Variants in SCAPER observed in about 807,000 individuals in gnomAD.
The protein encoded by SCAPER is S-phase cyclin A associated protein in the ER.
In SCAPER, 98 loss-of-function variants were observed where a neutral mutation model predicts 182.2. The ratio of observed to expected loss-of-function variants is 0.54; its 90% CI spans 0.46 to 0.64. The LOEUF (loss-of-function observed/expected upper bound fraction) is 0.64, where lower values mean the gene tolerates loss of function less well. Ranked by LOEUF, SCAPER falls within the 30% of genes least tolerant of loss-of-function variation. SCAPER has a pLI of 0.00. For missense variants in SCAPER, 1,432 were observed against 1,690.0 expected (o/e 0.85, Z 2.68); for synonymous variants, 605 against 564.6 (o/e 1.07, Z -1.01).
At chr15:76,511,841 A>ATGTGTGTGTGTGTGTGTGTGTGTG (rs755966745) in intron 23 of SCAPER, among the ~76,000 whole-genome samples, 1 of 104,832 alleles carries the variant, frequency 9.5e-6, no homozygotes, top group African/African-American at 3.6e-5. Flanking sequence ...ATATATATAT[A>ATGTGTGTGTGTGTGTGTGTGTGTG]TATGTGTGTG....
chr15:76,670,660 T>C (rs1055917138), intron 20 of SCAPER, among the ~76,000 whole-genome samples: 1 of 152,220 alleles, frequency 6.6e-6, no homozygotes, highest in Non-Finnish European at 1.5e-5. Flanking sequence ...TGCCAGTATG[T>C]GGTGTTCCTG....
intron 23 of SCAPER, among the ~76,000 whole-genome samples, chr15:76,567,820 T>C (rs1249862355): frequency 6.6e-6 from 1 of 152,100 alleles, no homozygotes; most frequent in African/African-American, 2.4e-5. Flanking sequence ...CTATTGCTTG[T>C]CTTGCTACCC....
chr15:76,544,116 C>A (rs1254326802), intron 23 of SCAPER, among the ~76,000 whole-genome samples: 1 of 151,954 alleles, frequency 6.6e-6, no homozygotes, highest in Non-Finnish European at 1.5e-5. Flanking sequence ...AAATGTAAAT[C>A]AAAACTATGA....
chr15:76,762,588 A>G (rs1045614504), intron 14 of SCAPER, among the ~76,000 whole-genome samples: 1 of 152,030 alleles, frequency 6.6e-6, no homozygotes, highest in African/African-American at 2.4e-5. Context: ...CATACAGTGA[A>G]TCCATTATCA....
At chr15:76,820,481 T>C (rs1598916480) in intron 5 of SCAPER, among the ~76,000 whole-genome samples, 1 of 151,378 alleles carries the variant, frequency 6.6e-6, no homozygotes, top group Non-Finnish European at 1.5e-5. Context: ...CAGCAAACTA[T>C]CGCAAGGACA....
intron 16 of SCAPER, among the ~76,000 whole-genome samples, chr15:76,730,470 T>C (rs748322429): frequency 6.6e-6 from 1 of 151,956 alleles, no homozygotes; most frequent in Non-Finnish European, 1.5e-5. Flanking sequence ...CTATTTCTCA[T>C]GACTAATCAA....
At chr15:76,861,392 T>C (rs1474633653) in intron 3 of SCAPER, among the ~76,000 whole-genome samples, 1 of 152,164 alleles carries the variant, frequency 6.6e-6, no homozygotes, top group Non-Finnish European at 1.5e-5. Flanking sequence ...AAAGGACACA[T>C]CATTTCTATA....
intron 24 of SCAPER, among the ~76,000 whole-genome samples, chr15:76,494,091 T>C (rs1044846707): frequency 5.9e-5 from 9 of 152,300 alleles, no homozygotes; most frequent in Non-Finnish European, 1.3e-4. Context: ...TAATACTCTT[T>C]TATTAGTGCT....
chr15:76,586,904 A>G (rs1421642881), intron 22 of SCAPER, among the ~76,000 whole-genome samples: 1 of 151,988 alleles, frequency 6.6e-6, no homozygotes, highest in Non-Finnish European at 1.5e-5. Context: ...AATGCCTGAT[A>G]GAATTCAGCT....
chr15:76,539,766 C>T (rs879219560), intron 23 of SCAPER, among the ~76,000 whole-genome samples: 2 of 151,970 alleles, frequency 1.3e-5, no homozygotes, highest in African/African-American at 2.4e-5. Context: ...AGGATGGTCT[C>T]GATCTCCTGA....
intron 20 of SCAPER, among the ~76,000 whole-genome samples, chr15:76,677,971 G>C (rs1175289188): frequency 6.6e-6 from 1 of 151,868 alleles, no homozygotes; most frequent in African/African-American, 2.4e-5. Context: ...ATTTCATTAA[G>C]CTGCCATTTT....
intron 4 of SCAPER, among the ~76,000 whole-genome samples, chr15:76,844,988 GTTCAACATT>G (rs1482284903): frequency 6.6e-6 from 1 of 151,950 alleles, no homozygotes; most frequent in African/African-American, 2.4e-5. Flanking sequence ...AACTGAACAT[GTTCAACATT>G]TTCAACATTA....
chr15:76,461,099 T>C (rs1480832846), intron 25 of SCAPER, among the ~76,000 whole-genome samples: 1 of 152,154 alleles, frequency 6.6e-6, no homozygotes, highest in Non-Finnish European at 1.5e-5. Context: ...TGGTTAGTTA[T>C]TTTGTAAAAT....
At chr15:76,705,588 G>T (rs2059218734) in intron 18 of SCAPER, among the ~76,000 whole-genome samples, 1 of 149,928 alleles carries the variant, frequency 6.7e-6, no homozygotes, top group Non-Finnish European at 1.5e-5. Flanking sequence ...TTTTAGGATG[G>T]TTAAAAAAAA....
At chr15:76,729,295 T>TACACATAC (rs2060777956) in intron 16 of SCAPER, among the ~76,000 whole-genome samples, 1 of 144,196 alleles carries the variant, frequency 6.9e-6, no homozygotes, top group Non-Finnish European at 1.5e-5. Flanking sequence ...TATATACACA[T>TACACATAC]ACACACACAC....
intron 28 of SCAPER, among the ~76,000 whole-genome samples, chr15:76,377,464 G>A (rs764179993): frequency 3.5e-4 from 54 of 152,162 alleles, no homozygotes; most frequent in Non-Finnish European, 6.9e-4. Context: ...ATAAGAGCAG[G>A]TCAAGGGGCA....
Position 76,771,924 on chromosome 15 carries a change from T to C in SCAPER, c.1066A>G (p.Asn356Asp). The change falls in exon 10 of 32, where the codon AAT (asparagine) becomes GAT (aspartate). Residue 356 changes from asparagine to aspartate, a missense_variant. Around this residue, in one of 5 missense-constraint regions of SCAPER, gnomAD observed 480 missense variants for 510.2 expected, o/e 0.94. Transcript: ENST00000563290. Reference protein sequence around the residue: ...FTVSTLDDVKNSGSIRDNYVR... With the variant: ...FTVSTLDDVKDSGSIRDNYVR... The stretch of plus-strand genomic sequence containing the variant: ...TAATTGTCTCGAATACTGCCAGAAT[T>C]CTTCACATCATCCAATGTACTCACT... The C allele has an allele frequency of 6.2e-7, 1 of 1,611,776 alleles. No homozygotes were observed. The highest frequency in any genetic ancestry group is 8.5e-7 in the Non-Finnish European group (1 of 1,179,228).
intron 21 of SCAPER, 38 bp from the exon 22 acceptor site, chr15:76,621,867 G>GTGTTAAATAA (rs987109021): frequency 1.4e-6 from 2 of 1,451,184 alleles, no homozygotes; most frequent in Non-Finnish European, 9.5e-7. Flanking sequence ...TTATTTCACT[G>GTGTTAAATAA]CTAATTTTTA....
At chr15:76,709,397 G>A (rs1025775188) in intron 17 of SCAPER, among the ~76,000 whole-genome samples, 2 of 152,122 alleles carry the variant, frequency 1.3e-5, no homozygotes, top group African/African-American at 4.8e-5. Context: ...GCCTCCCAAA[G>A]TGCTGGGATT....
Sources: allele counts gnomAD v4.1 joint callset (sites outside exome capture counted in the v4.1 genomes callset), GRCh38; gene constraint gnomAD v4.1.1; regional missense constraint gnomAD v4.1.1; transcripts MANE v1.5; gene names NCBI Gene and HGNC (gene_info 2026-07-23, HGNC 2026-07-21).